Variants in LRRC24 observed in about 807,000 individuals in gnomAD.
LRRC24 encodes the protein leucine-rich repeat-containing protein 24.
Under a neutral mutation model 15.3 loss-of-function variants are expected in LRRC24, and 19 were observed. The ratio of observed to expected loss-of-function variants is 1.25; its 90% CI spans 0.87 to 1.83. The LOEUF is 1.83. Among genes scored for constraint, LRRC24 ranks in the 40% most tolerant of loss-of-function variants. LRRC24 has a pLI of 0.00. For missense variants in LRRC24, 914 were observed against 723.9 expected (o/e 1.26, Z -3.01); for synonymous variants, 469 against 359.6 (o/e 1.30, Z -3.44).
At chr8:144,523,585 C>T in intron 4 of LRRC24, 176 bp from the exon 5 acceptor site, 1 of 1,019,186 alleles carries the variant, frequency 9.8e-7, no homozygotes, top group Non-Finnish European at 1.3e-6. Context: ...GCGGCAGGCC[C>T]TTCACCCTCG....
intron 1 of LRRC24, among the ~76,000 whole-genome samples, chr8:144,525,368 AC>A (rs1816325602): frequency 6.6e-6 from 1 of 151,800 alleles, no homozygotes; most frequent in South Asian, 2.1e-4. Context: ...CCCCGACTCT[AC>A]CCCCAGGCAA....
intron 1 of LRRC24, chr8:144,525,302 A>C: frequency 1.6e-4 from 34 of 210,576 alleles, no homozygotes; most frequent in Non-Finnish European, 2.4e-4. Context: ...TTCTCCACCC[A>C]TGCCCAGCAG....
At position 144,523,327 on chromosome 8, in the gene LRRC24, C is replaced by G; in HGVS notation, c.690G>C (p.Arg230Ser). The G allele has an allele frequency of 6.3e-7, 1 of 1,598,250 alleles. No homozygotes were observed. The highest frequency in any genetic ancestry group is 1.1e-5 in the South Asian group (1 of 90,310). Residue 230 changes from arginine to serine, a missense_variant, in exon 5 of 5, where the codon AGG becomes AGC. Transcript: ENST00000529415. ...KEGGQRLLTS[R>S]DRKIMCAEPP... ...GCTCTGCACACATGATCTTCCTGTC[C>G]CTGGAGGTGAGCAGCCGCTGGCCGC... is the stretch of plus-strand genomic sequence containing the variant.
At position 144,522,539 on chromosome 8, in the gene LRRC24, G is replaced by A; in HGVS notation, c.1478C>T (p.Pro493Leu). 1 of 1,524,990 alleles carries A rather than the reference G, an allele frequency of 6.6e-7. No homozygotes were observed. Among genetic ancestry groups the A allele is most frequent in the Non-Finnish European group, 8.8e-7 (1 of 1,138,030 alleles). The allele number at this position is 1,524,990 out of a possible 1,614,324, so 94.5% of individuals were successfully genotyped here. ...GPAEAPADCGPEQGAGPGLRV... is the reference protein window; with the variant it reads ...GPAEAPADCGLEQGAGPGLRV... ...GAGTCCCGGCCCCGCCCCCTGTTCC[G>A]GGCCGCAGTCAGCGGGCGCCTCCGC... Residue 493 changes from proline to leucine, a missense_variant, in exon 5 of 5, where the codon CCG becomes CTG. Physicochemically the swap from Pro to Leu is moderately conservative, Grantham distance 98. Coordinates refer to ENST00000529415, the MANE Select transcript of LRRC24 (RefSeq NM_001024678.4).
chr8:144,525,073 G>T, intron 1 of LRRC24, 40 bp from the exon 2 acceptor site: 4 of 1,313,404 alleles, frequency 3.0e-6, no homozygotes, highest in Non-Finnish European at 3.9e-6. Flanking sequence ...GCAGTCGAGA[G>T]CCAGCCAATA....
Position 144,524,147 on chromosome 8 carries a change from C to A in LRRC24, c.570G>T (p.Leu190=). ...NQLGTISREA[L]QPLASLQVLR... ...GGACTTGCAGACTGGCCAGGGGCTG[C>A]AGGGCCTCTCGGCTGATGGTGCCCA... Residue 190 remains leucine, a synonymous_variant, in exon 4 of 5, where the codon CTG becomes CTT. Coordinates refer to ENST00000529415, the MANE Select transcript of LRRC24 (RefSeq NM_001024678.4). The A allele has an allele frequency of 1.9e-6, 3 of 1,608,590 alleles. No individual in the cohort carries two copies. Among genetic ancestry groups the A allele is most frequent in the Non-Finnish European group, 2.5e-6 (3 of 1,176,900 alleles).
rs1462374048 is a variant in LRRC24 at position 144,524,524 on chromosome 8, C to T, written c.355G>A (p.Val119Ile). Reference protein sequence around the residue: ...RLRGLRSGAFVGLAQLRVLYL... With the variant: ...RLRGLRSGAFIGLAQLRVLYL... ...AGCACGCGCAGCTGGGCCAGGCCTA[C>T]GAAGGCGCCGCTGCGCAAGCCGCGC... is the stretch of plus-strand genomic sequence containing the variant. The change falls in exon 3 of 5, where the codon GTA (valine) becomes ATA (isoleucine). Residue 119 changes from valine (V) to isoleucine (I), a missense_variant. Physicochemically the swap from Val to Ile is conservative, Grantham distance 29. Coordinates refer to ENST00000529415, the MANE Select transcript of LRRC24 (RefSeq NM_001024678.4). 4 of 1,591,200 alleles carry T rather than the reference C, an allele frequency of 2.5e-6. No homozygotes were observed. Among genetic ancestry groups the T allele is most frequent in the Non-Finnish European group, 3.4e-6 (4 of 1,177,216 alleles).
In LRRC24 at chr8:144,524,649, C is replaced by T; in HGVS notation, c.230G>A (p.Arg77His). The change falls in exon 3 of 5, where the codon CGC becomes CAC. Residue 77 changes from arginine (R) to histidine (H), a missense_variant. Physicochemically the swap from Arg to His is conservative, Grantham distance 29. Coordinates refer to ENST00000529415, the MANE Select transcript of LRRC24 (RefSeq NM_001024678.4). ...GCTGTTGTTGTGCAGGTAGAGCCGG[C>T]GCAGAGCGGCGAGTGGCGCCAGGGC... ...PGALAPLAALRRLYLHNNSLR... is the reference protein window; with the variant it reads ...PGALAPLAALHRLYLHNNSLR... The T allele has an allele frequency of 1.3e-6, 2 of 1,502,966 alleles. No individual in the cohort carries two copies. Among genetic ancestry groups the T allele is most frequent in the Non-Finnish European group, 1.8e-6 (2 of 1,135,632 alleles). 93.1% of individuals were successfully genotyped at this position (1,502,966 alleles called of 1,614,324 possible).
At chr8:144,524,413 C>G in intron 3 of LRRC24, 28 bp downstream of exon 3, 3 of 1,596,910 alleles carry the variant, frequency 1.9e-6, no homozygotes, top group Non-Finnish European at 2.5e-6. Flanking sequence ...AATGGAGTAT[C>G]CCGCCCCTTT....
chr8:144,524,058 C>T, intron 4 of LRRC24, 52 bp downstream of exon 4: 4 of 1,572,974 alleles, frequency 2.5e-6, no homozygotes, highest in Non-Finnish European at 2.6e-6. Flanking sequence ...GAGCCTGCTC[C>T]CTACTGCCAA....
At chr8:144,523,986 G>T in intron 4 of LRRC24, 124 bp downstream of exon 4, 2 of 1,139,198 alleles carry the variant, frequency 1.8e-6, no homozygotes, top group East Asian at 4.8e-5. Context: ...TGTGGCTGCA[G>T]GCGGTGGTGC....
At position 144,524,840 on chromosome 8, in the gene LRRC24, C is replaced by T. The variant is rs1038035739; in HGVS notation, c.135G>A (p.Pro45=). ...ECGALRLRVV[P]LGIPPGTQTL... ...CCTGCGTCCCTGGCGGGATTCCCAG[C>T]GGGACGACGCGCAACCGCAGGGCGC... Residue 45 remains proline, a synonymous_variant, in exon 2 of 5, where the codon CCG becomes CCA. Transcript: ENST00000529415. The T allele has an allele frequency of 2.7e-6, 4 of 1,479,006 alleles. No homozygotes were observed. Among genetic ancestry groups the T allele is most frequent in the Non-Finnish European group, 3.6e-6 (4 of 1,114,874 alleles). The allele number at this position is 1,479,006 out of a possible 1,614,324, so 91.6% of individuals were successfully genotyped here. A position where few individuals can be genotyped will look rare whatever the true frequency, so the allele number is the denominator to read the frequency against.
In LRRC24 at chr8:144,522,512, C is replaced by G. The variant is rs776668995; in HGVS notation, c.1505G>C (p.Arg502Pro). Reference sequence around the variant, plus strand: ...CTCGTAGGCGACCGGCGGGGGCACGCGGAGTCCCGGCCCCGCCCCCTGTTC... The same window carrying G: ...CTCGTAGGCGACCGGCGGGGGCACGGGGAGTCCCGGCCCCGCCCCCTGTTC... ...GPEQGAGPGL[R>P]VPPPVAYEIH... Residue 502 changes from arginine (R) to proline (P), a missense_variant, in exon 5 of 5, where the codon CGC (arginine) becomes CCC (proline). Arg to Pro is a moderately radical substitution (Grantham distance 103). Transcript: ENST00000529415. 1 of 1,501,032 alleles carries G rather than the reference C, an allele frequency of 6.7e-7. No homozygotes were observed. The highest frequency in any genetic ancestry group is 1.3e-5 in the South Asian group (1 of 78,522). 93.0% of individuals were successfully genotyped at this position (1,501,032 alleles called of 1,614,324 possible).
At position 144,524,738 on chromosome 8, in the gene LRRC24, G is replaced by C; in HGVS notation, c.160-19C>G. The C allele has an allele frequency of 6.9e-7, 1 of 1,441,584 alleles. No individual in the cohort carries two copies. Among genetic ancestry groups the C allele is most frequent in the Non-Finnish European group, 9.1e-7 (1 of 1,104,240 alleles). 89.3% of individuals were successfully genotyped at this position (1,441,584 alleles called of 1,614,324 possible). On this transcript the variant is annotated intron_variant, in intron 2 of 4. Coordinates refer to ENST00000529415, the MANE Select transcript of LRRC24 (RefSeq NM_001024678.4). Reference sequence around the variant, plus strand: ...ACAGTGTCTGCAGGCCGGGGAAAGAGGAGGCGCTTACCCCGTTGCGGGGGT... The same window carrying C: ...ACAGTGTCTGCAGGCCGGGGAAAGACGAGGCGCTTACCCCGTTGCGGGGGT...
rs1362119682 is a variant in LRRC24, at chr8:144,523,153, C to G, written c.864G>C (p.Gln288His). 1.2e-6 allele frequency: 2 copies of G among 1,610,896 alleles called. No individual in the cohort carries two copies. The highest frequency in any genetic ancestry group is 2.2e-5 in the South Asian group (2 of 90,912). ...GCACCTTTCTCCAGGTCACCAATGG[C>G]TGCGGGTAGCCGGAGGCTTGGCAGG... Reference protein sequence around the residue: ...RVACQASGYPQPLVTWRKVPQ... With the variant: ...RVACQASGYPHPLVTWRKVPQ... Residue 288 changes from glutamine (Q) to histidine (H), a missense_variant, in exon 5 of 5, where the codon CAG (glutamine) becomes CAC (histidine). Transcript: ENST00000529415.
chr8:144,523,956 C>A, intron 4 of LRRC24, 154 bp downstream of exon 4: 1 of 856,790 alleles, frequency 1.2e-6, no homozygotes. Flanking sequence ...CCCAGCACAC[C>A]CACTCCCGCA....
Position 144,522,410 on chromosome 8 carries a change from A to T in LRRC24, c.*65T>A. The stretch of plus-strand genomic sequence containing the variant: ...CACTGCGCGGCTTCCACCTTTACTG[A>T]CGGAGCATGCGCGAGGCCGCACCGG... On this transcript the variant is annotated 3_prime_UTR_variant, in exon 5 of 5. Coordinates refer to ENST00000529415, the MANE Select transcript of LRRC24 (RefSeq NM_001024678.4). 7.3e-7 allele frequency: 1 copy of T among 1,368,434 alleles called. No individual in the cohort carries two copies. The highest frequency in any genetic ancestry group is 9.4e-7 in the Non-Finnish European group (1 of 1,068,292). 84.8% of individuals were successfully genotyped at this position (1,368,434 alleles called of 1,614,324 possible).
At position 144,524,162 on chromosome 8, in the gene LRRC24, G is replaced by C; in HGVS notation, c.555C>G (p.Ile185Met). ...LDLSRNQLGT[I>M]SREALQPLAS... ...CCAGGGGCTGCAGGGCCTCTCGGCT[G>C]ATGGTGCCCAGCTGGTTCCTGCTGA... is the stretch of plus-strand genomic sequence containing the variant. Residue 185 changes from isoleucine (I) to methionine (M), a missense_variant, in exon 4 of 5, where the codon ATC becomes ATG. Ile to Met is a conservative substitution (Grantham distance 10). Transcript: ENST00000529415. 6.2e-7 allele frequency: 1 copy of C among 1,610,436 alleles called. No homozygotes were observed. The highest frequency in any genetic ancestry group is 8.5e-7 in the Non-Finnish European group (1 of 1,178,176).
Position 144,523,119 on chromosome 8 carries a change from G to T in LRRC24, c.898C>A (p.Arg300Ser), listed in dbSNP as rs774339548. Reference sequence around the variant, plus strand: ...GCCTGGGCTCGCGGCCGGCCCTCGCGAGGCTGGGGCACCTTTCTCCAGGTC... The same window carrying T: ...GCCTGGGCTCGCGGCCGGCCCTCGCTAGGCTGGGGCACCTTTCTCCAGGTC... ...LVTWRKVPQP[R>S]EGRPRAQAQL... is the part of the protein sequence containing the mutation. Residue 300 changes from arginine (R) to serine (S), a missense_variant, in exon 5 of 5, where the codon CGC becomes AGC. Arg to Ser is a moderately radical substitution (Grantham distance 110). Transcript: ENST00000529415. The T allele has an allele frequency of 1.9e-6, 3 of 1,609,662 alleles. No homozygotes were observed. The Admixed American group carries it at 5.0e-5, about 27-fold the overall frequency.
Sources: gnomAD v4.1 joint callset for allele counts (sites outside exome capture counted in the v4.1 genomes callset) on GRCh38, gnomAD v4.1.1 for gene constraint, MANE v1.5 for transcripts, NCBI Gene and HGNC (gene_info 2026-07-23, HGNC 2026-07-21) for gene names.